The following CCDC157 variants were observed in gnomAD, a reference collection of about 807,000 sequenced individuals.
The protein encoded by CCDC157 is coiled-coil domain containing 157, also known as coiled-coil domain-containing protein 157.
In CCDC157, 60 loss-of-function variants were observed where a neutral mutation model predicts 70.9. The observed-to-expected ratio is 0.85, with a 90% CI of 0.69 to 1.05. The LOEUF (loss-of-function observed/expected upper bound fraction) is 1.05, where lower values mean the gene tolerates loss of function less well. CCDC157 is among the 50% of genes least tolerant of loss of function. The probability of loss-of-function intolerance (pLI) is 0.00; values close to 1 mark genes in which losing one functional copy is unlikely to be tolerated. For missense variants in CCDC157, 943 were observed against 984.2 expected, an observed-to-expected ratio of 0.96 and a Z score of 0.56; for synonymous variants, 373 against 422.4, an observed-to-expected ratio of 0.88 and a Z score of 1.43.
rs746672484 is a variant in CCDC157 at position 30,370,726 on chromosome 22, G to A, written c.821G>A (p.Arg274His). 3.1e-6 allele frequency: 5 copies of A among 1,613,412 alleles called. No homozygotes were observed. The highest frequency in any genetic ancestry group is 2.2e-5 in the East Asian group (1 of 44,878). The change falls in exon 5 of 12, where the codon CGC becomes CAC. Residue 274 changes from arginine to histidine, a missense_variant. Physicochemically the swap from Arg to His is conservative, Grantham distance 29 (BLOSUM62 0). Transcript: ENST00000338306. ...CCACTGCCGGCTGCCACCGTGGGCC[G>A]CTGGGCAGCAGAGCAGAGGAAAGAC... Reference protein sequence around the residue: ...LRPLPAATVGRWAAEQRKDLT... With the variant: ...LRPLPAATVGHWAAEQRKDLT...
At position 30,376,866 on chromosome 22, in the gene CCDC157, C is replaced by G; in HGVS notation, c.*121C>G. 2.1e-5 allele frequency: 21 copies of G among 1,002,400 alleles called. No individual in the cohort carries two copies. The South Asian group carries it at 3.2e-4, about 15-fold the overall frequency. The allele number at this position is 1,002,400 out of a possible 1,614,324, so 62.1% of individuals were successfully genotyped here. On this transcript the variant is annotated 3_prime_UTR_variant, in exon 12 of 12. Transcript: ENST00000338306. Reference sequence around the variant, plus strand: ...CAGTATGACTGAGCCAAGGAAAGAACCCTTCCTTCCCTGTCCTGGGCAGGG... The same window carrying G: ...CAGTATGACTGAGCCAAGGAAAGAAGCCTTCCTTCCCTGTCCTGGGCAGGG...
intron 9 of CCDC157, chr22:30,374,982 CAG>C (rs1601748742): frequency 4.5e-5 from 14 of 310,294 alleles, no homozygotes; most frequent in East Asian, 8.6e-5. Context: ...TTTTTTGAGA[CAG>C]AGTCTCACTC....
chr22:30,370,785 A>G lies in CCDC157; in HGVS notation c.880A>G (p.Arg294Gly). 6.2e-7 allele frequency: 1 copy of G among 1,613,466 alleles called. No individual in the cohort carries two copies. The highest frequency in any genetic ancestry group is 8.5e-7 in the Non-Finnish European group (1 of 1,179,972). Residue 294 changes from arginine to glycine, a missense_variant, in exon 5 of 12, where the codon AGG (arginine) becomes GGG (glycine). Transcript: ENST00000338306. ...TRLSKHVEALRAQLEEAEGQK... is the reference protein window; with the variant it reads ...TRLSKHVEALGAQLEEAEGQK... ...CCTCAGTAAGCATGTGGAGGCCCTC[A>G]GGGCCCAGCTGGAGGAGGCTGAAGG...
chr22:30,376,092 C>T, intron 10 of CCDC157, 167 bp from the exon 11 acceptor site: 1 of 621,930 alleles, frequency 1.6e-6, no homozygotes, highest in Admixed American at 3.0e-5. Context: ...GGCTCTGCAG[C>T]TGAGAATAGG....
chr22:30,371,136 A>G (rs1422725868), intron 5 of CCDC157, 186 bp downstream of exon 5: 2 of 721,718 alleles, frequency 2.8e-6, no homozygotes, highest in Non-Finnish European at 4.5e-6. Flanking sequence ...TGACACTGTG[A>G]TCTCAGTCCC....
At position 30,376,816 on chromosome 22, in the gene CCDC157, T is replaced by C. The variant is rs2145973337; in HGVS notation, c.*71T>C. 7.0e-7 allele frequency: 1 copy of C among 1,435,640 alleles called. No individual in the cohort carries two copies. Among genetic ancestry groups the C allele is most frequent in the Non-Finnish European group, 9.5e-7 (1 of 1,048,978 alleles). 88.9% of individuals were successfully genotyped at this position (1,435,640 alleles called of 1,614,324 possible). On this transcript the variant is annotated 3_prime_UTR_variant, in exon 12 of 12. Transcript: ENST00000338306. ...ACCCACTGTAATAAAGCCCCAGCCATTGGCCCACAGCAATCTTTGCCTCAC... is the reference window on the plus strand; with the variant it reads ...ACCCACTGTAATAAAGCCCCAGCCACTGGCCCACAGCAATCTTTGCCTCAC...
rs1002880762 is a variant in CCDC157, at chr22:30,372,375, A to T, written c.1335+89A>T. 4 of 1,425,356 alleles carry T rather than the reference A, an allele frequency of 2.8e-6. No homozygotes were observed. In the Admixed American group the frequency reaches 8.4e-5, roughly 30 times the overall value. 88.3% of individuals were successfully genotyped at this position (1,425,356 alleles called of 1,614,324 possible). ...ACTGTCAGGGAATGGGGGATCATCT[A>T]TATTGGGCATCTGCTCCCTGAGATG... On this transcript the variant is annotated intron_variant, in intron 7 of 11. Coordinates refer to ENST00000338306, the MANE Select transcript of CCDC157 (RefSeq NM_001017437.5).
intron 3 of CCDC157, among the ~76,000 whole-genome samples, chr22:30,367,602 G>C (rs1404111279): frequency 6.6e-6 from 1 of 152,004 alleles, no homozygotes; most frequent in Non-Finnish European, 1.5e-5. Context: ...GAGCCCTGGA[G>C]GTCGAGGCTA....
At chr22:30,359,864 A>G (rs989050859) in intron 1 of CCDC157, among the ~76,000 whole-genome samples, 1 of 152,248 alleles carries the variant, frequency 6.6e-6, no homozygotes, top group African/African-American at 2.4e-5. Context: ...AAGTTTAATA[A>G]AAGATTAAGG....
At chr22:30,357,639 G>A (rs142789417) in intron 1 of CCDC157, among the ~76,000 whole-genome samples, 10,811 of 151,312 alleles carry the variant, frequency 0.071, 457 homozygotes, top group Non-Finnish European at 0.089. Flanking sequence ...CGAGTGGCTG[G>A]GACTACAGGC....
chr22:30,374,663 A>C (rs924940981), intron 9 of CCDC157: 2 of 456,662 alleles, frequency 4.4e-6, no homozygotes, highest in African/African-American at 4.0e-5. Flanking sequence ...GTGAGACATC[A>C]TCCAGGCCCT....
chr22:30,369,387 T>A (rs373888337), intron 3 of CCDC157, 45 bp from the exon 4 acceptor site: 22 of 1,445,812 alleles, frequency 1.5e-5, no homozygotes, highest in South Asian at 1.3e-4. Context: ...TGAGGGTATG[T>A]TAGCACCAGC....
rs1932685226 is a variant in CCDC157, at chr22:30,365,848, G to A, written c.-11-142G>A. 1.1e-5 allele frequency: 9 copies of A among 818,832 alleles called. No individual in the cohort carries two copies. The South Asian group carries it at 1.4e-4, about 13-fold the overall frequency. The allele number at this position is 818,832 out of a possible 1,614,324, so 50.7% of individuals were successfully genotyped here. On this transcript the variant is annotated intron_variant, in intron 2 of 11. Transcript: ENST00000338306. ...CCGGGTCGGAAAGGCCTTGTCACCT[G>A]GGGCTGGGAAACAGACTTCTCCCCA...
intron 7 of CCDC157, chr22:30,373,170 G>T (rs551859544): frequency 5.2e-6 from 1 of 194,086 alleles, no homozygotes. Context: ...GCAGTCCAGC[G>T]TTAGTTCTTC....
At chr22:30,373,501 C>G in intron 7 of CCDC157, 96 bp from the exon 8 acceptor site, 1 of 1,363,878 alleles carries the variant, frequency 7.3e-7, no homozygotes, top group Non-Finnish European at 1.0e-6. Flanking sequence ...GGGGTAGCAG[C>G]CGAGGGGTAG....
intron 1 of CCDC157, among the ~76,000 whole-genome samples, chr22:30,357,546 C>T (rs2145839234): frequency 6.6e-6 from 1 of 152,208 alleles, no homozygotes; most frequent in African/African-American, 2.4e-5. Flanking sequence ...GCTCTGTCAC[C>T]CAGGCTGGAG....
intron 1 of CCDC157, among the ~76,000 whole-genome samples, chr22:30,358,041 C>G (rs977632709): frequency 1.3e-5 from 2 of 152,220 alleles, no homozygotes; most frequent in Non-Finnish European, 2.9e-5. Flanking sequence ...AGGCCTACCT[C>G]GAATCCCGCC....
At chr22:30,363,720 A>C in intron 2 of CCDC157, among the ~76,000 whole-genome samples, 1 of 127,624 alleles carries the variant, frequency 7.8e-6, no homozygotes. Context: ...ACAGAGTCTC[A>C]CTCTGTCACC....
At chr22:30,372,353 G>C (rs1933008067) in intron 7 of CCDC157, 67 bp downstream of exon 7, 17 of 1,446,920 alleles carry the variant, frequency 1.2e-5, no homozygotes, top group Non-Finnish European at 1.5e-5. Flanking sequence ...GGGCTCCACT[G>C]TCAGGGAATG....
Sources: gnomAD v4.1 joint callset for allele counts (sites outside exome capture counted in the v4.1 genomes callset) on GRCh38, gnomAD v4.1.1 for gene constraint, MANE v1.5 for transcripts, NCBI Gene and HGNC (gene_info 2026-07-23, HGNC 2026-07-21) for gene names.